SH3GL2: variants seen among roughly 807,000 people sequenced by gnomAD.
SH3GL2 encodes endophilin-A1.
Under a neutral mutation model 46.0 loss-of-function variants are expected in SH3GL2, and 24 were observed. The observed-to-expected ratio is 0.52, with a 90% CI of 0.38 to 0.73. SH3GL2 has a LOEUF of 0.73. SH3GL2 is among the 30% of genes least tolerant of loss of function. The probability of loss-of-function intolerance (pLI) is 0.00; values close to 1 mark genes in which losing one functional copy is unlikely to be tolerated. For synonymous variants in SH3GL2, 196 were observed against 147.1 expected (o/e 1.33, Z -2.40); for missense variants, 413 against 424.2 (o/e 0.97, Z 0.23).
chr9:17,794,893 G>GAAGT (rs1190962937), intron 8 of SH3GL2, among the ~76,000 whole-genome samples: 1 of 152,230 alleles, frequency 6.6e-6, no homozygotes, highest in Admixed American at 6.5e-5. Flanking sequence ...GTAGTAATGT[G>GAAGT]AAGTAAGTCC....
chr9:17,702,271 G>T (rs1428003493), intron 1 of SH3GL2, among the ~76,000 whole-genome samples: 3 of 151,902 alleles, frequency 2.0e-5, no homozygotes, highest in African/African-American at 7.2e-5. Context: ...AATAAATAAA[G>T]ATTTAAATGT....
intron 1 of SH3GL2, among the ~76,000 whole-genome samples, chr9:17,650,744 A>G (rs1336315094): frequency 6.6e-6 from 1 of 152,236 alleles, no homozygotes. Flanking sequence ...AATACATTAT[A>G]CAGTCTTTCC....
intron 1 of SH3GL2, among the ~76,000 whole-genome samples, chr9:17,609,301 G>C (rs1274023421): frequency 6.6e-6 from 1 of 151,396 alleles, no homozygotes; most frequent in Non-Finnish European, 1.5e-5. Flanking sequence ...TGGATATTTT[G>C]CAGAGAAAGT....
At chr9:17,679,514 T>G (rs1368033754) in intron 1 of SH3GL2, among the ~76,000 whole-genome samples, 1 of 152,184 alleles carries the variant, frequency 6.6e-6, no homozygotes, top group African/African-American at 2.4e-5. Flanking sequence ...CTTATCAGCT[T>G]AAGGAGATTT....
At chr9:17,594,988 AT>A (rs765635202) in intron 1 of SH3GL2, among the ~76,000 whole-genome samples, 1 of 152,238 alleles carries the variant, frequency 6.6e-6, no homozygotes. Flanking sequence ...AAATTGTAAG[AT>A]TGTAAGTTTA....
chr9:17,709,293 C>T (rs1280863373), intron 1 of SH3GL2, among the ~76,000 whole-genome samples: 1 of 151,998 alleles, frequency 6.6e-6, no homozygotes, highest in Non-Finnish European at 1.5e-5. Flanking sequence ...GAATAGACCA[C>T]TCATGAATAG....
intron 1 of SH3GL2, among the ~76,000 whole-genome samples, chr9:17,641,065 C>T (rs571950991): frequency 6.6e-6 from 1 of 152,158 alleles, no homozygotes; most frequent in African/African-American, 2.4e-5. Flanking sequence ...TGTTTTTTAC[C>T]TAGATGAGTT....
At chr9:17,611,589 C>A (rs1160988158) in intron 1 of SH3GL2, among the ~76,000 whole-genome samples, 2 of 152,144 alleles carry the variant, frequency 1.3e-5, no homozygotes, top group Non-Finnish European at 2.9e-5. Context: ...AACTGAGGCT[C>A]CCTGTTACTG....
chr9:17,710,551 T>C (rs1240337321), intron 1 of SH3GL2, among the ~76,000 whole-genome samples: 2 of 151,966 alleles, frequency 1.3e-5, no homozygotes, highest in Admixed American at 1.3e-4. Context: ...TACTTCTAGA[T>C]GTAGACTCAA....
intron 3 of SH3GL2, among the ~76,000 whole-genome samples, chr9:17,782,131 C>T (rs1212837576): frequency 6.6e-6 from 1 of 152,106 alleles, no homozygotes; most frequent in East Asian, 1.9e-4. Flanking sequence ...TATATTCAAC[C>T]AGGCAGTGAA....
chr9:17,601,050 C>G (rs1818659640), intron 1 of SH3GL2, among the ~76,000 whole-genome samples: 1 of 152,108 alleles, frequency 6.6e-6, no homozygotes, highest in African/African-American at 2.4e-5. Flanking sequence ...GCATTCTTAA[C>G]CATTGTGTAT....
chr9:17,611,213 A>G (rs1287307043), intron 1 of SH3GL2, among the ~76,000 whole-genome samples: 1 of 152,198 alleles, frequency 6.6e-6, no homozygotes, highest in Non-Finnish European at 1.5e-5. Flanking sequence ...ATTTTACTAT[A>G]GGGAAATATA....
At chr9:17,710,624 A>G (rs1417390207) in intron 1 of SH3GL2, among the ~76,000 whole-genome samples, 1 of 152,058 alleles carries the variant, frequency 6.6e-6, no homozygotes, top group Non-Finnish European at 1.5e-5. Context: ...AACATTATTC[A>G]TGATAGTCAA....
intron 2 of SH3GL2, among the ~76,000 whole-genome samples, chr9:17,760,513 C>G (rs1823140110): frequency 6.6e-6 from 1 of 151,908 alleles, no homozygotes; most frequent in Admixed American, 6.6e-5. Flanking sequence ...TTATATACCA[C>G]TAGGTACAGC....
At chr9:17,649,758 A>G (rs1340227572) in intron 1 of SH3GL2, among the ~76,000 whole-genome samples, 1 of 152,334 alleles carries the variant, frequency 6.6e-6, no homozygotes, top group East Asian at 1.9e-4. Context: ...ACAAATATGT[A>G]ATATTCTTTT....
chr9:17,596,123 T>G (rs1818566441), intron 1 of SH3GL2, among the ~76,000 whole-genome samples: 1 of 152,178 alleles, frequency 6.6e-6, no homozygotes, highest in East Asian at 1.9e-4. Flanking sequence ...TCTAGCCAAG[T>G]TCTAGAACTA....
At chr9:17,719,140 C>G (rs1380740556) in intron 1 of SH3GL2, among the ~76,000 whole-genome samples, 5 of 152,102 alleles carry the variant, frequency 3.3e-5, no homozygotes, top group Admixed American at 1.3e-4. Context: ...TCTACCTAAT[C>G]TTCAGGAGGG....
At chr9:17,627,215 C>G (rs3780242) in intron 1 of SH3GL2, among the ~76,000 whole-genome samples, 18,588 of 152,162 alleles carry the variant, frequency 0.12, 1,304 homozygotes, top group Middle Eastern at 0.23. Context: ...CAATGAGACA[C>G]CATCCTGTCC....
chr9:17,761,844 G>C (rs1463692336), intron 3 of SH3GL2, among the ~76,000 whole-genome samples: 1 of 152,148 alleles, frequency 6.6e-6, no homozygotes, highest in Non-Finnish European at 1.5e-5. Flanking sequence ...AGGAAAATTA[G>C]GATAGTTTAA....
Sources: allele counts gnomAD v4.1 joint callset (sites outside exome capture counted in the v4.1 genomes callset), GRCh38; gene constraint gnomAD v4.1.1; transcripts MANE v1.5; gene names NCBI Gene and HGNC (gene_info 2026-07-23, HGNC 2026-07-21).